The following CCDC144A variants were observed in gnomAD, a reference collection of about 807,000 sequenced individuals.
CCDC144A encodes the protein coiled-coil domain-containing protein 144A.
A neutral mutation model predicts 143.8 loss-of-function variants in CCDC144A; 41 were observed. The observed-to-expected ratio is 0.29, with a 90% CI of 0.22 to 0.37. The LOEUF (loss-of-function observed/expected upper bound fraction) is 0.37. CCDC144A is among the 10% of genes least tolerant of loss of function. The pLI, the probability that CCDC144A is intolerant of heterozygous loss-of-function variation, is 1.00. For synonymous variants in CCDC144A, 242 were observed against 517.9 expected (o/e 0.47, Z 7.23); for missense variants, 637 against 1,488.8 (o/e 0.43, Z 9.41).
At chr17:16,709,808 A>T (rs925897564) in intron 5 of CCDC144A, among the ~76,000 whole-genome samples, 173 bp downstream of exon 5, 4 of 152,228 alleles carry the variant, frequency 2.6e-5, no homozygotes, top group African/African-American at 9.6e-5. Flanking sequence ...ACTTTCTCAT[A>T]ATCTTCGTTT....
upstream of CCDC144A, among the ~76,000 whole-genome samples, chr17:16,684,593 G>A (rs1910715092): frequency 6.6e-6 from 1 of 151,550 alleles, no homozygotes; most frequent in Non-Finnish European, 1.5e-5. Flanking sequence ...GGCTGAAGTT[G>A]CAGTGAGCTG....
chr17:16,695,457 G>A (rs1450335438), intron 2 of CCDC144A: 1 of 151,512 alleles, frequency 6.6e-6, no homozygotes. Flanking sequence ...AACATTAGCT[G>A]GGCATGGTGC....
rs1194831314 is a variant in CCDC144A at position 16,775,826 on chromosome 17, T to G, written c.*2193T>G. On this transcript the variant is annotated 3_prime_UTR_variant, in exon 17 of 17. Transcript: ENST00000399273. ...TTGCCTAGGTTTTCTTCCAGGATTT[T>G]TATAGTTTTGGGTTGTAGATTTAAG... The G allele has an allele frequency of 2.6e-5, 4 of 152,282 alleles. No individual in the cohort carries two copies. Among genetic ancestry groups the G allele is most frequent in the Non-Finnish European group, 2.9e-5 (2 of 68,062 alleles). 9.4% of individuals were successfully genotyped at this position (152,282 alleles called of 1,614,324 possible).
chr17:16,719,121 C>T (rs1223055750), intron 6 of CCDC144A, among the ~76,000 whole-genome samples: 2 of 151,308 alleles, frequency 1.3e-5, no homozygotes, highest in African/African-American at 2.4e-5. Context: ...TGAGCCACTG[C>T]ACCTGGCCTA....
chr17:16,736,924 G>A (rs980684355), intron 12 of CCDC144A, among the ~76,000 whole-genome samples: 1 of 152,156 alleles, frequency 6.6e-6, no homozygotes, highest in African/African-American at 2.4e-5. Flanking sequence ...CCCCACCCAC[G>A]TACCAAATTC....
chr17:16,690,833 G>A, intron 1 of CCDC144A, 89 bp downstream of exon 1: 9 of 1,329,336 alleles, frequency 6.8e-6, no homozygotes, highest in East Asian at 2.3e-5. Flanking sequence ...ATGGGGAAAC[G>A]TCAGAGGGGT....
At chr17:16,744,136 A>G (rs907086696) in intron 12 of CCDC144A, among the ~76,000 whole-genome samples, 2 of 152,224 alleles carry the variant, frequency 1.3e-5, no homozygotes, top group Non-Finnish European at 2.9e-5. Context: ...ATAGTGCTGC[A>G]GTGAACATTG....
chr17:16,683,649 A>G, the CCDC144A span: 1 of 1,610,346 alleles, frequency 6.2e-7, no homozygotes, highest in Non-Finnish European at 8.5e-7. Context: ...CTTTGTCAGG[A>G]AATCTGCAAG....
At chr17:16,711,267 A>G (rs541050258) in intron 5 of CCDC144A, among the ~76,000 whole-genome samples, 322 of 151,932 alleles carry the variant, frequency 2.1e-3, no homozygotes, top group African/African-American at 7.7e-3. Flanking sequence ...GTTTAATATG[A>G]AAGTCAAGTG....
At chr17:16,753,806 T>C (rs993246120) in intron 12 of CCDC144A, among the ~76,000 whole-genome samples, 1 of 152,252 alleles carries the variant, frequency 6.6e-6, no homozygotes, top group Non-Finnish European at 1.5e-5. Flanking sequence ...GATATTGGCA[T>C]GTAGTTTTCT....
chr17:16,668,051 A>G, the CCDC144A span, among the ~76,000 whole-genome samples: 9 of 148,080 alleles, frequency 6.1e-5, 1 homozygote, highest in African/African-American at 2.2e-4. Context: ...AATGTCTCGT[A>G]TATCTCTTTG....
chr17:16,712,886 T>C (rs899509953), intron 6 of CCDC144A, among the ~76,000 whole-genome samples: 7 of 152,170 alleles, frequency 4.6e-5, no homozygotes, highest in African/African-American at 9.6e-5. Context: ...TCTCGTAATA[T>C]CTGCTGAGTT....
the CCDC144A span, among the ~76,000 whole-genome samples, chr17:16,667,561 G>A: frequency 3.7e-3 from 562 of 152,290 alleles, 6 homozygotes; most frequent in African/African-American, 0.013. Flanking sequence ...AGAATCCCGG[G>A]GCTGCTTTCT....
At chr17:16,750,057 CTG>C (rs1377378059) in intron 12 of CCDC144A, among the ~76,000 whole-genome samples, 7 of 152,166 alleles carry the variant, frequency 4.6e-5, no homozygotes, top group African/African-American at 1.7e-4. Flanking sequence ...ACTTGCCACT[CTG>C]TGCCTTTTAA....
the CCDC144A span, among the ~76,000 whole-genome samples, chr17:16,679,654 A>G: frequency 6.6e-6 from 1 of 152,074 alleles, no homozygotes; most frequent in Non-Finnish European, 1.5e-5. Context: ...TTCATTTTTT[A>G]TGCTGTTTGT....
chr17:16,771,248 A>G (rs1401316973), intron 15 of CCDC144A, among the ~76,000 whole-genome samples: 3 of 152,266 alleles, frequency 2.0e-5, no homozygotes, highest in Non-Finnish European at 4.4e-5. Context: ...AAAGAAATCA[A>G]AGTTGCAGTT....
intron 12 of CCDC144A, among the ~76,000 whole-genome samples, chr17:16,752,196 A>G (rs1200749807): frequency 6.6e-6 from 1 of 152,176 alleles, no homozygotes; most frequent in African/African-American, 2.4e-5. Context: ...GCGGCATTAG[A>G]TTCTCATAGG....
At chr17:16,678,106 T>C in the CCDC144A span, among the ~76,000 whole-genome samples, 1 of 152,000 alleles carries the variant, frequency 6.6e-6, no homozygotes, top group African/African-American at 2.4e-5. Flanking sequence ...TGCTTTGGGA[T>C]CGTTGGAGTT....
chr17:16,690,297 A>G lies in CCDC144A; in HGVS notation c.-104A>G, dbSNP rs1910967880. ...GGTCGCTTGGCTTGGCGTGGCAGTGATCGCTTGGCTTGGCATTTCTGGCTT... is the reference window on the plus strand; with the variant it reads ...GGTCGCTTGGCTTGGCGTGGCAGTGGTCGCTTGGCTTGGCATTTCTGGCTT... On this transcript the variant is annotated 5_prime_UTR_variant, in exon 1 of 17. Transcript: ENST00000399273. The G allele has an allele frequency of 3.4e-6, 3 of 877,918 alleles. No homozygotes were observed. Among genetic ancestry groups the G allele is most frequent in the South Asian group, 3.9e-5 (2 of 51,022 alleles). The allele number at this position is 877,918 out of a possible 1,614,324, so 54.4% of individuals were successfully genotyped here.
Sources: gnomAD v4.1 joint callset for allele counts (sites outside exome capture counted in the v4.1 genomes callset) on GRCh38, gnomAD v4.1.1 for gene constraint, MANE v1.5 for transcripts, NCBI Gene and HGNC (gene_info 2026-07-23, HGNC 2026-07-21) for gene names.